Variants in NNMT observed in about 807,000 individuals in gnomAD.
The protein encoded by NNMT is nicotinamide N-methyltransferase.
NNMT carries 10 observed loss-of-function variants against 11.7 expected under a neutral mutation model. The observed-to-expected ratio is 0.85, with a 90% CI of 0.53 to 1.45. The LOEUF (loss-of-function observed/expected upper bound fraction) is 1.45, where lower values mean the gene tolerates loss of function less well. Among genes scored for constraint, NNMT ranks in the 40% most tolerant of loss-of-function variants. NNMT has a pLI of 0.00. For missense variants in NNMT, 381 were observed against 319.4 expected (o/e 1.19, Z -1.47); for synonymous variants, 143 against 133.8 (o/e 1.07, Z -0.48).
At position 114,265,910 on chromosome 11, in the gene NNMT, C is replaced by T. The variant is rs146063418; in HGVS notation, c.-130+2976C>T. Among the ~76,000 whole-genome samples, 113 of 152,184 alleles carry T rather than the reference C, an allele frequency of 7.4e-4. 3 individuals are homozygous for T. In the East Asian group the frequency reaches 0.016, roughly 21 times the overall value. Reference sequence around the variant, plus strand: ...CTGGTGGTTACCTTGGGGTCATCTGCGAGTCAGCTTGGGTGGGAAAAGCAA... The same window carrying T: ...CTGGTGGTTACCTTGGGGTCATCTGTGAGTCAGCTTGGGTGGGAAAAGCAA... On this transcript the variant is annotated intron_variant, in intron 2 of 4. Coordinates refer to the NNMT transcript ENST00000535401.
chr11:114,282,619 A>C (rs1945270373), intron 2 of NNMT, among the ~76,000 whole-genome samples: 1 of 152,150 alleles, frequency 6.6e-6, no homozygotes, highest in South Asian at 2.1e-4. Context: ...GACCCAAAGA[A>C]TATTAACAGA....
chr11:114,296,965 C>T (rs1199628036), intron 1 of NNMT, among the ~76,000 whole-genome samples: 2 of 152,162 alleles, frequency 1.3e-5, no homozygotes, highest in Non-Finnish European at 2.9e-5. Context: ...CCTTGATTTG[C>T]TAGGCGACTT....
chr11:114,300,231 C>T (rs1945425779), intron 2 of NNMT, among the ~76,000 whole-genome samples: 1 of 152,098 alleles, frequency 6.6e-6, no homozygotes, highest in African/African-American at 2.4e-5. Flanking sequence ...GTTTTAACTG[C>T]ATCCCATGAT....
At chr11:114,281,975 T>C (rs889666570) in intron 2 of NNMT, among the ~76,000 whole-genome samples, 2 of 152,338 alleles carry the variant, frequency 1.3e-5, no homozygotes, top group African/African-American at 2.4e-5. Flanking sequence ...TAAAGACTTC[T>C]GTGCCTGAAA....
rs1046231053 is a variant in NNMT, at chr11:114,263,348, A to G, written c.-130+414A>G. On this transcript the variant is annotated intron_variant, in intron 2 of 4. Transcript: ENST00000535401. ...TTCTCCTATTCCCTGCTTCCTACTT[A>G]GCTCTTTAGAAATGATTATAACCTT... is the stretch of plus-strand genomic sequence containing the variant. Among the ~76,000 whole-genome samples, 4 of 152,258 alleles carry G rather than the reference A, an allele frequency of 2.6e-5. No individual in the cohort carries two copies. The East Asian group carries it at 7.7e-4, about 29-fold the overall frequency.
At chr11:114,306,403 T>A (rs1945492412) in intron 2 of NNMT, among the ~76,000 whole-genome samples, 1 of 152,226 alleles carries the variant, frequency 6.6e-6, no homozygotes. Context: ...TTTTGGTGTT[T>A]TAGACATGAA....
At chr11:114,305,885 A>G (rs1375751893) in intron 2 of NNMT, among the ~76,000 whole-genome samples, 1 of 152,116 alleles carries the variant, frequency 6.6e-6, no homozygotes, top group South Asian at 2.1e-4. Context: ...GGCTGGGTCA[A>G]ATGGTATTTC....
At chr11:114,304,095 T>G (rs566102874) in intron 2 of NNMT, among the ~76,000 whole-genome samples, 2 of 152,306 alleles carry the variant, frequency 1.3e-5, no homozygotes, top group South Asian at 4.1e-4. Flanking sequence ...TAGAAACAAT[T>G]GCAGCTATGA....
At chr11:114,286,030 G>T (rs559180189) in intron 2 of NNMT, among the ~76,000 whole-genome samples, 3 of 152,194 alleles carry the variant, frequency 2.0e-5, no homozygotes, top group Admixed American at 6.5e-5. Context: ...GAAAGCTTCA[G>T]CTGCAGTTTC....
chr11:114,278,799 A>G (rs1244959532), intron 2 of NNMT, among the ~76,000 whole-genome samples: 1 of 152,200 alleles, frequency 6.6e-6, no homozygotes, highest in Non-Finnish European at 1.5e-5. Context: ...AGAAGCTTGC[A>G]GCAGATGGGA....
upstream of NNMT, chr11:114,296,245 CT>C: frequency 4.3e-6 from 1 of 233,176 alleles, no homozygotes; most frequent in East Asian, 8.2e-5. Flanking sequence ...TCTACAATCC[CT>C]GGCGGCTGGC....
intron 1 of NNMT, among the ~76,000 whole-genome samples, chr11:114,259,879 G>A (rs1945062863): frequency 6.6e-6 from 1 of 152,188 alleles, no homozygotes; most frequent in Non-Finnish European, 1.5e-5. Context: ...CCGGCTGGCT[G>A]CACCCGTTCC....
rs373018054 is a variant in NNMT at position 114,264,147 on chromosome 11, A to C, written c.-130+1213A>C. ...TGCTTGTCTTCTGTTTGCTACATCC[A>C]TTTCCCCCTCTCTTCCTAATTATTC... On this transcript the variant is annotated intron_variant, in intron 2 of 4. Transcript: ENST00000535401. Among the ~76,000 whole-genome samples, 8 of 150,530 alleles carry C rather than the reference A, an allele frequency of 5.3e-5. No individual in the cohort carries two copies. In the East Asian group the frequency reaches 1.4e-3, roughly 26 times the overall value.
At chr11:114,267,836 T>C (rs1259101024) in intron 2 of NNMT, among the ~76,000 whole-genome samples, 1 of 152,234 alleles carries the variant, frequency 6.6e-6, no homozygotes, top group Non-Finnish European at 1.5e-5. Context: ...TTTATATCTT[T>C]CCAAAATTAG....
In NNMT at chr11:114,312,161, T is replaced by G; in HGVS notation, c.479T>G (p.Val160Gly). 6.2e-7 allele frequency: 1 copy of G among 1,614,192 alleles called. No homozygotes were observed. Among genetic ancestry groups the G allele is most frequent in the Non-Finnish European group, 8.5e-7 (1 of 1,180,012 alleles). Residue 160 changes from valine to glycine, a missense_variant, in exon 3 of 3, where the codon GTG becomes GGG. By Grantham distance (109) the Val-to-Gly change is moderately radical. Coordinates refer to ENST00000299964, the MANE Select transcript of NNMT (RefSeq NM_006169.3). ...GTCCCCTTACCCCCGGCTGACTGCG[T>G]GCTCAGCACACTGTGTCTGGATGCC... Reference protein sequence around the residue: ...GAVPLPPADCVLSTLCLDAAC... With the variant: ...GAVPLPPADCGLSTLCLDAAC...
intron 2 of NNMT, among the ~76,000 whole-genome samples, chr11:114,289,103 G>C (rs1945318079): frequency 6.6e-6 from 1 of 152,068 alleles, no homozygotes; most frequent in Non-Finnish European, 1.5e-5. Flanking sequence ...TGGTTATAAG[G>C]CAATTCAGAT....
intron 2 of NNMT, among the ~76,000 whole-genome samples, chr11:114,273,796 C>T (rs1434996355): frequency 6.6e-6 from 1 of 152,038 alleles, no homozygotes; most frequent in African/African-American, 2.4e-5. Context: ...GCTGAGATCG[C>T]TCCATTGCAC....
intron 2 of NNMT, among the ~76,000 whole-genome samples, chr11:114,275,771 T>G (rs1945209082): frequency 6.6e-6 from 1 of 152,142 alleles, no homozygotes; most frequent in Non-Finnish European, 1.5e-5. Flanking sequence ...ATGGTTAGGG[T>G]TAGGATTTGA....
chr11:114,279,730 T>C (rs1945245108), intron 2 of NNMT, among the ~76,000 whole-genome samples: 1 of 152,212 alleles, frequency 6.6e-6, no homozygotes, highest in Admixed American at 6.5e-5. Flanking sequence ...CACCAATAAG[T>C]ATTCATATAT....
Sources: allele counts gnomAD v4.1 joint callset (sites outside exome capture counted in the v4.1 genomes callset), GRCh38; gene constraint gnomAD v4.1.1; transcripts MANE v1.5; gene names NCBI Gene and HGNC (gene_info 2026-07-23, HGNC 2026-07-21).